NCAPH2: variants seen among roughly 807,000 people sequenced by gnomAD.
NCAPH2 encodes condensin-2 complex subunit H2.
Under a neutral mutation model 88.6 loss-of-function variants are expected in NCAPH2, and 56 were observed. The observed-to-expected ratio is 0.63, with a 90% CI of 0.51 to 0.79. The LOEUF (loss-of-function observed/expected upper bound fraction) is 0.79. Ranked by LOEUF, NCAPH2 falls within the 30% of genes least tolerant of loss-of-function variation. NCAPH2 has a pLI of 0.00. For missense variants in NCAPH2, 794 were observed against 792.0 expected, an observed-to-expected ratio of 1.00 and a Z score of -0.03; for synonymous variants, 378 against 313.6, an observed-to-expected ratio of 1.21 and a Z score of -2.17.
intron 9 of NCAPH2, 103 bp from the exon 10 acceptor site, chr22:50,520,862 C>A: frequency 7.4e-7 from 1 of 1,357,024 alleles, no homozygotes; most frequent in Non-Finnish European, 1.0e-6. Context: ...CACGCCCGAC[C>A]CTTGTAGGGT....
rs770830575 is a variant in NCAPH2, at chr22:50,523,372, C to T, written c.1815C>T (p.Pro605=). Residue 605 remains proline (P), a synonymous_variant, in exon 20 of 20, where the codon CCC becomes CCT. Transcript: ENST00000420993. ...QTYAAPSMAQ[P] ...ACGCTGCCCCCTCCATGGCCCAGCC[C>T]TGAGTGGGGAGCACCGAGGCAGGGG... 4 of 1,545,402 alleles carry T rather than the reference C, an allele frequency of 2.6e-6. No individual in the cohort carries two copies. Among genetic ancestry groups the T allele is most frequent in the Admixed American group, 2.0e-5 (1 of 50,950 alleles).
At position 50,516,603 on chromosome 22, in the gene NCAPH2, C is replaced by T. The variant is rs11912147; in HGVS notation, c.210+55C>T. On this transcript the variant is annotated intron_variant, in intron 2 of 19. Transcript: ENST00000420993. ...TTTTGGTGGCCAGTGGGACCACAGT[C>T]GGCTCTCCTTCTGGGGCAGGTGCAG... 2.7e-4 allele frequency: 418 copies of T among 1,532,666 alleles called. 2 individuals carry two copies. The highest frequency in any genetic ancestry group is 2.6e-3 in the South Asian group (234 of 88,650). 94.9% of individuals were successfully genotyped at this position (1,532,666 alleles called of 1,614,324 possible).
At chr22:50,513,768 A>C (rs965326415) in intron 1 of NCAPH2, among the ~76,000 whole-genome samples, 14 of 152,198 alleles carry the variant, frequency 9.2e-5, no homozygotes, top group Non-Finnish European at 1.8e-4. Context: ...TCTCAAAAAC[A>C]AAAACCAAAA....
rs1029473961 is a variant in NCAPH2 at position 50,521,794 on chromosome 22, A to C, written c.1054A>C (p.Lys352Gln). 1.9e-6 allele frequency: 3 copies of C among 1,613,812 alleles called. No homozygotes were observed. The Admixed American group carries it at 5.0e-5, about 27-fold the overall frequency. ...CVEEALGQKR[K>Q]RKGAAKLQDF... Reference sequence around the variant, plus strand: ...GGAGGAGGCTCTGGGACAGAAGCGCAAGAGGAAGGGCGCTGCCAAGCTGCA... The same window carrying C: ...GGAGGAGGCTCTGGGACAGAAGCGCCAGAGGAAGGGCGCTGCCAAGCTGCA... Residue 352 changes from lysine to glutamine, a missense_variant, in exon 12 of 20, where the codon AAG (lysine) becomes CAG (glutamine). Coordinates refer to ENST00000420993, the MANE Select transcript of NCAPH2 (RefSeq NM_152299.4).
intron 9 of NCAPH2, among the ~76,000 whole-genome samples, chr22:50,520,011 C>T (rs2069041950): frequency 6.6e-6 from 1 of 152,066 alleles, no homozygotes; most frequent in African/African-American, 2.4e-5. Context: ...GCTGGGACTA[C>T]AGGCGCCCGC....
At chr22:50,520,593 CT>C (rs2069059057) in intron 9 of NCAPH2, 1 of 139,410 alleles carries the variant, frequency 7.2e-6, no homozygotes, top group African/African-American at 2.8e-5. Flanking sequence ...GAGTCTTGTT[CT>C]TTTGCCCAGG....
chr22:50,524,234 G>A lies in NCAPH2; in HGVS notation c.*859G>A, dbSNP rs753779965. The A allele has an allele frequency of 1.0e-5, 16 of 1,607,002 alleles. No homozygotes were observed. Among genetic ancestry groups the A allele is most frequent in the African/African-American group, 2.7e-5 (2 of 74,922 alleles). ...CCGAACAGGCCTGTGATCAGCAGCC[G>A]GGTTCGAAGCCCAGGGCCCTGGGGC... On this transcript the variant is annotated 3_prime_UTR_variant, in exon 20 of 20. Transcript: ENST00000420993.
In NCAPH2 at chr22:50,519,398, A is replaced by G. The variant is rs181658132; in HGVS notation, c.861+78A>G. On this transcript the variant is annotated intron_variant, in intron 9 of 19. Transcript: ENST00000420993. ...GCTCTGGGGCCGAGTCACCTTGCAC[A>G]AGGAGGACAGTGGTATGGCCTTGGC... The G allele has an allele frequency of 4.0e-4, 627 of 1,581,922 alleles. 4 individuals carry two copies. The African/African-American group carries it at 7.4e-3, about 19-fold the overall frequency.
intron 9 of NCAPH2, 102 bp from the exon 10 acceptor site, chr22:50,520,863 C>A: frequency 1.5e-6 from 2 of 1,377,380 alleles, no homozygotes; most frequent in South Asian, 1.3e-5. Flanking sequence ...ACGCCCGACC[C>A]TTGTAGGGTT....
In NCAPH2 at chr22:50,517,800, G is replaced by T; in HGVS notation, c.411G>T (p.Gln137His). ...SRTNVDLKND[Q>H]TPSEVLIIPL... ...CTAACGTGGATCTCAAGAATGATCA[G>T]ACGCCCAGTGTGAGTCCTGGCCTGG... is the stretch of plus-strand genomic sequence containing the variant. Residue 137 changes from glutamine (Q) to histidine (H), a missense_variant, in exon 5 of 20, where the codon CAG becomes CAT. This residue lies in a region of NCAPH2 where 735 missense variants were observed against 696.3 expected (regional missense o/e 1.06). Coordinates refer to ENST00000420993, the MANE Select transcript of NCAPH2 (RefSeq NM_152299.4). 6.2e-7 allele frequency: 1 copy of T among 1,613,906 alleles called. No homozygotes were observed. The highest frequency in any genetic ancestry group is 8.5e-7 in the Non-Finnish European group (1 of 1,180,024).
chr22:50,519,269 C>G lies in NCAPH2; in HGVS notation c.810C>G (p.Ala270=). Residue 270 remains alanine, a synonymous_variant, in exon 9 of 20, where the codon GCC becomes GCG. Coordinates refer to ENST00000420993, the MANE Select transcript of NCAPH2 (RefSeq NM_152299.4). The part of the protein sequence containing the change: ...DAEEAVELPE[A]SAPKAALEPK... ...AGGAGGCAGTAGAGCTTCCTGAGGC[C>G]TCGGCCCCCAAGGCCGCTCTGGAGC... 6.2e-7 allele frequency: 1 copy of G among 1,607,528 alleles called. No individual in the cohort carries two copies. Among genetic ancestry groups the G allele is most frequent in the South Asian group, 1.1e-5 (1 of 89,780 alleles).
intron 13 of NCAPH2, 40 bp from the exon 14 acceptor site, chr22:50,522,141 G>A: frequency 6.2e-7 from 1 of 1,611,564 alleles, no homozygotes; most frequent in South Asian, 1.1e-5. Flanking sequence ...CACGGGGCCT[G>A]GGAAGGACGA....
chr22:50,522,055 T>G lies in NCAPH2; in HGVS notation c.1162+16T>G. On this transcript the variant is annotated intron_variant, in intron 13 of 19. Coordinates refer to ENST00000420993, the MANE Select transcript of NCAPH2 (RefSeq NM_152299.4). Reference sequence around the variant, plus strand: ...TCCTTTGCAGGTGAGGCTGAAGTCCTCGGGGAAGACAGTTTTACTCTCCTT... The same window carrying G: ...TCCTTTGCAGGTGAGGCTGAAGTCCGCGGGGAAGACAGTTTTACTCTCCTT... The G allele has an allele frequency of 6.2e-7, 1 of 1,614,016 alleles. No individual in the cohort carries two copies. The highest frequency in any genetic ancestry group is 8.5e-7 in the Non-Finnish European group (1 of 1,179,930).
At chr22:50,515,665 G>C in intron 1 of NCAPH2, 1 of 1,243,424 alleles carries the variant, frequency 8.0e-7, no homozygotes, top group Non-Finnish European at 1.0e-6. Flanking sequence ...CAAAGTGCTG[G>C]GATTACAGGT....
chr22:50,514,832 G>A (rs542196612), intron 1 of NCAPH2, among the ~76,000 whole-genome samples: 1 of 152,202 alleles, frequency 6.6e-6, no homozygotes, highest in African/African-American at 2.4e-5. Context: ...TGGCTTCCCA[G>A]CCTCTGCCAC....
intron 1 of NCAPH2, among the ~76,000 whole-genome samples, chr22:50,512,585 C>G (rs535583439): frequency 2.7e-5 from 4 of 148,190 alleles, no homozygotes; most frequent in African/African-American, 2.5e-5. Flanking sequence ...GGTTCTTGCC[C>G]TGTTGCCCAG....
At chr22:50,519,033 C>A (rs131816) in intron 8 of NCAPH2, among the ~76,000 whole-genome samples, 157 bp from the exon 9 acceptor site, 2,089 of 152,190 alleles carry the variant, frequency 0.014, 26 homozygotes, top group Non-Finnish European at 0.022. Flanking sequence ...AAGCAGAGCA[C>A]AGAGCACAGG....
intron 1 of NCAPH2, among the ~76,000 whole-genome samples, chr22:50,513,701 G>T (rs1603440648): frequency 1.3e-5 from 2 of 152,220 alleles, no homozygotes; most frequent in Non-Finnish European, 2.9e-5. Flanking sequence ...GGCAGGGGTT[G>T]CAGTGAGCCG....
chr22:50,519,479 C>G (rs2069023526), intron 9 of NCAPH2, 159 bp downstream of exon 9: 1 of 1,441,120 alleles, frequency 6.9e-7, no homozygotes, highest in Non-Finnish European at 9.1e-7. Context: ...GTCCTGCAAC[C>G]AGCCCTTTTG....
Sources: allele counts gnomAD v4.1 joint callset (sites outside exome capture counted in the v4.1 genomes callset), GRCh38; gene constraint gnomAD v4.1.1; regional missense constraint gnomAD v4.1.1; transcripts MANE v1.5; gene names NCBI Gene and HGNC (gene_info 2026-07-23, HGNC 2026-07-21).